MINDY3: variants seen among roughly 807,000 people sequenced by gnomAD.
The protein encoded by MINDY3 is MINDY lysine 48 deubiquitinase 3, also known as ubiquitin carboxyl-terminal hydrolase MINDY-3.
MINDY3 carries 38 observed loss-of-function variants against 69.2 expected under a neutral mutation model. That is an observed-to-expected ratio of 0.55 (90% CI 0.42 to 0.72). MINDY3 has a LOEUF of 0.72. Ranked by LOEUF, MINDY3 falls within the 30% of genes least tolerant of loss-of-function variation. MINDY3 has a pLI of 0.00. For missense variants in MINDY3, 522 were observed against 519.0 expected, an observed-to-expected ratio of 1.01 and a Z score of -0.06; for synonymous variants, 192 against 180.1, an observed-to-expected ratio of 1.07 and a Z score of -0.53.
At chr10:15,852,447 A>T (rs1834371574) in intron 1 of MINDY3, among the ~76,000 whole-genome samples, 1 of 152,176 alleles carries the variant, frequency 6.6e-6, no homozygotes, top group South Asian at 2.1e-4. Flanking sequence ...ATGTCAGTTA[A>T]AGTGAATGAG....
At chr10:15,828,737 A>G (rs892970208) in intron 8 of MINDY3, among the ~76,000 whole-genome samples, 5 of 152,204 alleles carry the variant, frequency 3.3e-5, no homozygotes, top group Non-Finnish European at 7.3e-5. Flanking sequence ...CTAACTGTTT[A>G]CCATAAGGAA....
intron 2 of MINDY3, among the ~76,000 whole-genome samples, chr10:15,845,883 C>A (rs746815849): frequency 7.8e-6 from 1 of 128,542 alleles, no homozygotes; most frequent in Non-Finnish European, 1.6e-5. Context: ...AGTGCAGTGG[C>A]GTGATCTCGG....
Position 15,786,541 on chromosome 10 carries a change from T to C in MINDY3, c.1116+20A>G, listed in dbSNP as rs1293301015. 2.2e-6 allele frequency: 3 copies of C among 1,342,304 alleles called. No homozygotes were observed. In the South Asian group the frequency reaches 3.6e-5, roughly 16 times the overall value. 83.1% of individuals were successfully genotyped at this position (1,342,304 alleles called of 1,614,324 possible). A position where few individuals can be genotyped will look rare whatever the true frequency, so the allele number is the denominator to read the frequency against. On this transcript the variant is annotated intron_variant, in intron 13 of 14. Coordinates refer to ENST00000277632, the MANE Select transcript of MINDY3 (RefSeq NM_024948.4). ...CATCCCAACAGAATAACAATGAATA[T>C]ATTTCCTCAACTATGTTACCTGATC...
chr10:15,787,669 T>C (rs1029210463), intron 12 of MINDY3, among the ~76,000 whole-genome samples: 1 of 152,274 alleles, frequency 6.6e-6, no homozygotes, highest in South Asian at 2.1e-4. Flanking sequence ...CGGAAACACC[T>C]GGGTCAGGCT....
intron 13 of MINDY3, among the ~76,000 whole-genome samples, chr10:15,783,159 CAG>C (rs957417968): frequency 6.6e-6 from 1 of 152,158 alleles, no homozygotes; most frequent in Non-Finnish European, 1.5e-5. Flanking sequence ...ACTTTAGAGA[CAG>C]GGGATGGGAG....
chr10:15,787,507 A>G (rs1837065256), intron 12 of MINDY3, among the ~76,000 whole-genome samples: 1 of 152,158 alleles, frequency 6.6e-6, no homozygotes, highest in Non-Finnish European at 1.5e-5. Flanking sequence ...CACCTTCCTC[A>G]GGGGCAACTT....
At chr10:15,815,794 T>C (rs1377130164) in intron 10 of MINDY3, among the ~76,000 whole-genome samples, 1 of 152,028 alleles carries the variant, frequency 6.6e-6, no homozygotes, top group African/African-American at 2.4e-5. Context: ...CTATTATGAA[T>C]CCCTATTTTA....
intron 8 of MINDY3, among the ~76,000 whole-genome samples, chr10:15,830,642 T>C (rs1387311939): frequency 1.3e-5 from 2 of 152,134 alleles, no homozygotes; most frequent in African/African-American, 4.8e-5. Flanking sequence ...AAGCTGAGAT[T>C]GAGATTTTAA....
intron 1 of MINDY3, among the ~76,000 whole-genome samples, chr10:15,851,638 T>C (rs987435156): frequency 3.3e-5 from 5 of 152,106 alleles, no homozygotes; most frequent in African/African-American, 1.2e-4. Context: ...CAGTCCACCC[T>C]ATAGTTCAAA....
intron 1 of MINDY3, chr10:15,857,814 C>G (rs1464479564): frequency 9.5e-6 from 4 of 419,264 alleles, no homozygotes; most frequent in Non-Finnish European, 1.3e-5. Flanking sequence ...ACAACCATAT[C>G]AAAAGAATTT....
chr10:15,802,863 C>A (rs147307524), intron 10 of MINDY3, among the ~76,000 whole-genome samples: 1 of 151,176 alleles, frequency 6.6e-6, no homozygotes, highest in Non-Finnish European at 1.5e-5. Context: ...ATACTACTAA[C>A]AGCTAATTTG....
chr10:15,826,124 G>C (rs149174662), intron 8 of MINDY3, among the ~76,000 whole-genome samples: 477 of 152,284 alleles, frequency 3.1e-3, no homozygotes, highest in Non-Finnish European at 5.7e-3. Context: ...AGTACGAAAT[G>C]AAGATGGATG....
Position 15,778,788 on chromosome 10 carries a change from C to T in MINDY3, c.*204G>A, listed in dbSNP as rs910936593. On this transcript the variant is annotated 3_prime_UTR_variant, in exon 15 of 15. Transcript: ENST00000277632. ...CTTAATTTTGCTAGTAAATTTCACA[C>T]GAAGGGGTAAAATAGGATAATCTTT... 1.4e-5 allele frequency: 6 copies of T among 429,236 alleles called. No homozygotes were observed. Among genetic ancestry groups the T allele is most frequent in the African/African-American group, 4.1e-5 (2 of 49,362 alleles). The allele number at this position is 429,236 out of a possible 1,614,324, so 26.6% of individuals were successfully genotyped here.
chr10:15,838,165 AAC>A (rs1833216185), intron 5 of MINDY3, 61 bp downstream of exon 5: 1 of 1,526,656 alleles, frequency 6.6e-7, no homozygotes, highest in African/African-American at 1.4e-5. Flanking sequence ...CCACAGTATG[AAC>A]AGACTTAAAG....
intron 11 of MINDY3, among the ~76,000 whole-genome samples, chr10:15,791,967 C>G (rs189780174): frequency 6.6e-6 from 1 of 152,022 alleles, no homozygotes; most frequent in Admixed American, 6.6e-5. Flanking sequence ...GTTGGATACT[C>G]AAAACTAACA....
At chr10:15,792,041 C>T (rs1261528380) in intron 11 of MINDY3, among the ~76,000 whole-genome samples, 1 of 151,892 alleles carries the variant, frequency 6.6e-6, no homozygotes, top group Non-Finnish European at 1.5e-5. Context: ...ACTGTGAAGC[C>T]CACTGTACTT....
intron 10 of MINDY3, among the ~76,000 whole-genome samples, chr10:15,798,671 T>C (rs148549085): frequency 2.0e-5 from 3 of 152,122 alleles, no homozygotes; most frequent in East Asian, 3.9e-4. Context: ...ACCCAGCTAC[T>C]TGGGAGGCTG....
chr10:15,847,855 C>G lies in MINDY3; in HGVS notation c.174+9G>C. On this transcript the variant is annotated intron_variant, in intron 2 of 14. Transcript: ENST00000277632. ...CCCTCTAAGGAGTTGGTAAAGGAGT[C>G]TATGTTACCTGAACAGGTGCAATAA... The G allele has an allele frequency of 6.2e-7, 1 of 1,608,886 alleles. No individual in the cohort carries two copies. Among genetic ancestry groups the G allele is most frequent in the Non-Finnish European group, 8.5e-7 (1 of 1,175,300 alleles).
At chr10:15,820,588 C>T (rs570179217) in intron 9 of MINDY3, among the ~76,000 whole-genome samples, 1 of 152,218 alleles carries the variant, frequency 6.6e-6, no homozygotes, top group Non-Finnish European at 1.5e-5. Flanking sequence ...CAATTAAAGT[C>T]ACCGAAGATA....
Sources: gnomAD v4.1 joint callset for allele counts (sites outside exome capture counted in the v4.1 genomes callset) on GRCh38, gnomAD v4.1.1 for gene constraint, MANE v1.5 for transcripts, NCBI Gene and HGNC (gene_info 2026-07-23, HGNC 2026-07-21) for gene names.